Variants in NTRK2 observed in about 807,000 individuals in gnomAD.
The protein encoded by NTRK2 is neurotrophic receptor tyrosine kinase 2, also known as BDNF/NT-3 growth factors receptor.
NTRK2 carries 13 observed loss-of-function variants against 94.5 expected under a neutral mutation model. That is an observed-to-expected ratio of 0.14 (90% confidence interval 0.09 to 0.22). The LOEUF is 0.22. Ranked by LOEUF, NTRK2 falls within the 10% of genes least tolerant of loss-of-function variation. NTRK2 has a pLI of 1.00. For synonymous variants in NTRK2, 372 were observed against 407.4 expected, an observed-to-expected ratio of 0.91 and a Z score of 1.05; for missense variants, 639 against 1,071.2, an observed-to-expected ratio of 0.60 and a Z score of 5.63.
At chr9:84,816,638 G>T (rs1334191968) in intron 12 of NTRK2, among the ~76,000 whole-genome samples, 3 of 151,978 alleles carry the variant, frequency 2.0e-5, no homozygotes, top group East Asian at 1.9e-4. Flanking sequence ...AATTAGCTGG[G>T]CGTGGTGGCG....
intron 12 of NTRK2, among the ~76,000 whole-genome samples, chr9:84,839,792 C>A (rs560786375): frequency 6.6e-6 from 1 of 152,192 alleles, no homozygotes; most frequent in Non-Finnish European, 1.5e-5. Context: ...AAACAGGCAG[C>A]GTGTGAGGAG....
At chr9:84,764,997 T>C (rs2065901615) in intron 12 of NTRK2, among the ~76,000 whole-genome samples, 1 of 152,138 alleles carries the variant, frequency 6.6e-6, no homozygotes, top group African/African-American at 2.4e-5. Context: ...ATTTGTAGAA[T>C]ATAAAAGCCA....
chr9:84,967,338 C>T (rs1225782498), intron 17 of NTRK2, among the ~76,000 whole-genome samples: 1 of 152,228 alleles, frequency 6.6e-6, no homozygotes, highest in Non-Finnish European at 1.5e-5. Context: ...TGCTGGCCTT[C>T]TCTGTCACTG....
intron 14 of NTRK2, chr9:84,877,214 C>T (rs189783006): frequency 8.9e-5 from 95 of 1,065,286 alleles, no homozygotes; most frequent in Middle Eastern, 8.3e-4. Flanking sequence ...GCTGATTCAT[C>T]GGCATAGTTC....
intron 12 of NTRK2, among the ~76,000 whole-genome samples, chr9:84,772,779 G>A (rs928745670): frequency 1.3e-5 from 2 of 152,152 alleles, no homozygotes; most frequent in Non-Finnish European, 2.9e-5. Flanking sequence ...CAGACGAGAT[G>A]GAGAAGGAGG....
rs567620105 is a variant in NTRK2 at position 84,843,347 on chromosome 9, C to T, written c.1397-17693C>T. On this transcript the variant is annotated intron_variant, in intron 12 of 18. Transcript: ENST00000277120. ...TCAGTAGCCTCCCCTCCCAGCACAG[C>T]ATTCTCTCAGTTCCCAGGAAGTCCC... Among the ~76,000 whole-genome samples, 4 of 152,302 alleles carry T rather than the reference C, an allele frequency of 2.6e-5. No individual in the cohort carries two copies. The East Asian group carries it at 7.7e-4, about 29-fold the overall frequency.
In NTRK2 at chr9:84,719,918, C is replaced by A. The variant is rs1476036295; in HGVS notation, c.584-3655C>A. 5.3e-5 allele frequency among the ~76,000 whole-genome samples: 8 copies of A among 150,346 alleles called. No individual in the cohort carries two copies. In the Admixed American group the frequency reaches 5.3e-4, roughly 10 times the overall value. ...GCCCATTATCCCAGCTACTCAGGAG[C>A]CTGAGGCACAAGAATCACTTGAACT... On this transcript the variant is annotated intron_variant, in intron 6 of 18. Coordinates refer to ENST00000277120, the MANE Select transcript of NTRK2 (RefSeq NM_006180.6).
chr9:84,735,419 G>C (rs2063187238), intron 9 of NTRK2, among the ~76,000 whole-genome samples: 1 of 152,138 alleles, frequency 6.6e-6, no homozygotes, highest in African/African-American at 2.4e-5. Context: ...AGTACTGCTG[G>C]TCCATGGATC....
chr9:84,971,108 A>G (rs4271046), intron 17 of NTRK2, among the ~76,000 whole-genome samples: 128,396 of 152,202 alleles, frequency 0.84, 54,525 homozygotes, highest in African/African-American at 0.94. Context: ...CATTTAAAGA[A>G]CAATTTAACC....
chr9:84,743,109 C>A (rs938119046), intron 10 of NTRK2, among the ~76,000 whole-genome samples: 1 of 152,030 alleles, frequency 6.6e-6, no homozygotes, highest in East Asian at 1.9e-4. Flanking sequence ...CCTATATTAG[C>A]TTTTGATGGA....
intron 2 of NTRK2, among the ~76,000 whole-genome samples, chr9:84,676,081 C>G (rs2131335856): frequency 6.6e-6 from 1 of 152,208 alleles, no homozygotes; most frequent in East Asian, 1.9e-4. Flanking sequence ...AAGCTGAAGT[C>G]AGGAGACCTG....
intron 12 of NTRK2, among the ~76,000 whole-genome samples, chr9:84,795,750 C>T (rs1673870426): frequency 6.6e-6 from 1 of 152,142 alleles, no homozygotes; most frequent in Admixed American, 6.5e-5. Context: ...GCTCTCCTCT[C>T]CCGGACCCCA....
At chr9:84,805,129 C>T (rs1588717670) in intron 12 of NTRK2, among the ~76,000 whole-genome samples, 1 of 152,186 alleles carries the variant, frequency 6.6e-6, no homozygotes, top group African/African-American at 2.4e-5. Flanking sequence ...AGAGCACATT[C>T]CCCTTAGAAT....
intron 14 of NTRK2, among the ~76,000 whole-genome samples, chr9:84,893,889 A>G (rs980977894): frequency 6.6e-6 from 1 of 152,224 alleles, no homozygotes; most frequent in African/African-American, 2.4e-5. Flanking sequence ...TTTGACAACA[A>G]GAAACAGGTC....
At chr9:84,748,576 C>T (rs1288299453) in intron 11 of NTRK2, among the ~76,000 whole-genome samples, 1 of 152,128 alleles carries the variant, frequency 6.6e-6, no homozygotes, top group Non-Finnish European at 1.5e-5. Context: ...CTCCTAAATC[C>T]CAGTTAAGGA....
At chr9:84,980,275 A>G (rs942101604) in intron 17 of NTRK2, among the ~76,000 whole-genome samples, 1 of 152,056 alleles carries the variant, frequency 6.6e-6, no homozygotes, top group South Asian at 2.1e-4. Context: ...CTATTGTTGG[A>G]CTTTTAGATT....
At chr9:84,865,281 C>A (rs970068804) in intron 13 of NTRK2, among the ~76,000 whole-genome samples, 3 of 152,068 alleles carry the variant, frequency 2.0e-5, no homozygotes, top group Non-Finnish European at 4.4e-5. Context: ...GACTTGTTTG[C>A]AGAATTGAGC....
chr9:84,859,896 A>G (rs1019571258), intron 12 of NTRK2, among the ~76,000 whole-genome samples: 24 of 152,190 alleles, frequency 1.6e-4, no homozygotes, highest in Admixed American at 1.3e-3. Flanking sequence ...CCTTCATCTC[A>G]TCTTCTAAAA....
chr9:84,678,049 AT>A (rs2131360294), intron 2 of NTRK2, among the ~76,000 whole-genome samples: 1 of 152,292 alleles, frequency 6.6e-6, no homozygotes, highest in East Asian at 1.9e-4. Flanking sequence ...ACACACACAC[AT>A]AGACACACAC....
Sources: gnomAD v4.1 joint callset for allele counts (sites outside exome capture counted in the v4.1 genomes callset) on GRCh38, gnomAD v4.1.1 for gene constraint, MANE v1.5 for transcripts, NCBI Gene and HGNC (gene_info 2026-07-23, HGNC 2026-07-21) for gene names.